The following NBEA variants were observed in gnomAD, a reference collection of about 807,000 sequenced individuals.
The protein encoded by NBEA is lysosomal-trafficking regulator 2.
Under a neutral mutation model 343.4 loss-of-function variants are expected in NBEA, and 44 were observed. That is an observed-to-expected ratio of 0.13 (90% CI 0.10 to 0.16). The LOEUF is 0.16. Among genes scored for constraint, NBEA ranks in the 10% least tolerant of loss-of-function variants. The probability of loss-of-function intolerance (pLI) is 1.00; values close to 1 mark genes in which losing one functional copy is unlikely to be tolerated. For synonymous variants in NBEA, 1,175 were observed against 1,238.7 expected (o/e 0.95, Z 1.08); for missense variants, 2,555 against 3,631.3 (o/e 0.70, Z 7.62).
intron 1 of NBEA, among the ~76,000 whole-genome samples, chr13:34,954,778 A>G (rs541611070): frequency 1.3e-5 from 2 of 152,324 alleles, no homozygotes; most frequent in Admixed American, 6.5e-5. Context: ...TGTAAATGCT[A>G]GGTAAATAGT....
intron 1 of NBEA, among the ~76,000 whole-genome samples, chr13:34,956,395 T>C (rs1242256222): frequency 6.6e-6 from 1 of 151,766 alleles, no homozygotes; most frequent in East Asian, 1.9e-4. Flanking sequence ...AGTTGTTTTT[T>C]TTTTTTTTTT....
At chr13:35,185,423 A>G (rs910675398) in intron 30 of NBEA, 2 of 152,164 alleles carry the variant, frequency 1.3e-5, no homozygotes, top group Non-Finnish European at 2.9e-5. Context: ...ATTATTTTTT[A>G]TAAATGTGCA....
intron 39 of NBEA, among the ~76,000 whole-genome samples, chr13:35,451,277 C>G (rs911467390): frequency 2.6e-5 from 4 of 152,054 alleles, no homozygotes; most frequent in African/African-American, 7.2e-5. Context: ...GCTTTTGGCT[C>G]CACGCCCGTC....
At chr13:35,306,883 T>C (rs1206895753) in intron 35 of NBEA, among the ~76,000 whole-genome samples, 1 of 152,102 alleles carries the variant, frequency 6.6e-6, no homozygotes, top group Non-Finnish European at 1.5e-5. Flanking sequence ...AGCCTAGATA[T>C]TTGATCCTCG....
At chr13:35,207,494 T>C (rs1187104178) in intron 31 of NBEA, among the ~76,000 whole-genome samples, 1 of 152,184 alleles carries the variant, frequency 6.6e-6, no homozygotes, top group African/African-American at 2.4e-5. Context: ...ATTTGCTAAA[T>C]GAAGTTTGCA....
At chr13:35,221,883 C>T (rs1272839012) in intron 33 of NBEA, among the ~76,000 whole-genome samples, 2 of 152,082 alleles carry the variant, frequency 1.3e-5, no homozygotes, top group Non-Finnish European at 2.9e-5. Flanking sequence ...CAAAACATGT[C>T]CATGGGAGAA....
intron 36 of NBEA, among the ~76,000 whole-genome samples, chr13:35,313,048 C>T (rs563763070): frequency 3.0e-4 from 46 of 152,262 alleles, no homozygotes; most frequent in African/African-American, 1.0e-3. Flanking sequence ...AGATGTGATG[C>T]TCAGAGAGAG....
At chr13:35,560,572 G>A (rs532251068) in intron 44 of NBEA, among the ~76,000 whole-genome samples, 1 of 152,156 alleles carries the variant, frequency 6.6e-6, no homozygotes, top group African/African-American at 2.4e-5. Context: ...CAACATCTGT[G>A]GGGGAGTGAA....
intron 1 of NBEA, among the ~76,000 whole-genome samples, chr13:35,038,455 A>G (rs1171154230): frequency 6.6e-6 from 1 of 152,008 alleles, no homozygotes; most frequent in Non-Finnish European, 1.5e-5. Context: ...TAGCCACCAC[A>G]GCTGGTAATG....
intron 1 of NBEA, 122 bp from the exon 2 acceptor site, chr13:35,040,810 AT>A (rs987720146): frequency 1.1e-4 from 88 of 770,826 alleles, no homozygotes; most frequent in Non-Finnish European, 1.7e-4. Context: ...ATCAAAATTA[AT>A]TTTATACCAG....
chr13:35,101,620 T>C (rs2065651705), intron 11 of NBEA, among the ~76,000 whole-genome samples: 2 of 151,868 alleles, frequency 1.3e-5, no homozygotes, highest in South Asian at 4.1e-4. Flanking sequence ...AATAGACGGA[T>C]GATTAACAAA....
intron 34 of NBEA, among the ~76,000 whole-genome samples, chr13:35,249,394 G>A (rs899744737): frequency 2.1e-4 from 32 of 152,122 alleles, no homozygotes; most frequent in African/African-American, 7.7e-4. Context: ...TATTCAGAAT[G>A]TATAAGAACT....
rs192009337 is a variant in NBEA at position 34,954,504 on chromosome 13, T to C, written c.294+11390T>C. 2.0e-5 allele frequency among the ~76,000 whole-genome samples: 3 copies of C among 152,364 alleles called. No individual in the cohort carries two copies. In the East Asian group the frequency reaches 5.8e-4, roughly 29 times the overall value. ...CGGCACAAATCTTATCTTTGCAGGC[T>C]ATTCTGATTCTTTTAATTTCTACAT... is the stretch of plus-strand genomic sequence containing the variant. On this transcript the variant is annotated intron_variant, in intron 1 of 58. Transcript: ENST00000379939.
At chr13:35,660,677 A>C (rs1210609227) in intron 55 of NBEA, among the ~76,000 whole-genome samples, 1 of 152,140 alleles carries the variant, frequency 6.6e-6, no homozygotes, top group Admixed American at 6.6e-5. Flanking sequence ...GTTGGCATCC[A>C]GGCTTCTTTT....
At chr13:35,123,342 T>C in intron 16 of NBEA, 140 bp from the exon 17 acceptor site, 1 of 464,832 alleles carries the variant, frequency 2.2e-6, no homozygotes, top group Non-Finnish European at 3.6e-6. Context: ...GTTTTTAATT[T>C]TTCCAAAGAA....
chr13:35,304,296 T>A (rs2036740598), intron 35 of NBEA, among the ~76,000 whole-genome samples: 1 of 152,068 alleles, frequency 6.6e-6, no homozygotes, highest in South Asian at 2.1e-4. Flanking sequence ...ATTGAACAAA[T>A]TCAGGAATTA....
rs189726285 is a variant in NBEA at position 34,960,672 on chromosome 13, T to G, written c.294+17558T>G. On this transcript the variant is annotated intron_variant, in intron 1 of 58. Coordinates refer to ENST00000379939, the MANE Select transcript of NBEA (RefSeq NM_001385012.1). ...ATTAATACTATTGAATTATAATTGT[T>G]TATGCAATACAGTAACATGCTGTGC... 7.9e-5 allele frequency among the ~76,000 whole-genome samples: 12 copies of G among 152,198 alleles called. No homozygotes were observed. The East Asian group carries it at 1.7e-3, about 22-fold the overall frequency.
chr13:35,271,958 C>G (rs2034195661), intron 34 of NBEA, among the ~76,000 whole-genome samples: 1 of 152,052 alleles, frequency 6.6e-6, no homozygotes, highest in Non-Finnish European at 1.5e-5. Flanking sequence ...GAGAATTTCC[C>G]CAACCTAGCA....
intron 1 of NBEA, among the ~76,000 whole-genome samples, chr13:35,020,197 T>C (rs1055987548): frequency 5.9e-5 from 9 of 152,290 alleles, no homozygotes; most frequent in East Asian, 5.8e-4. Flanking sequence ...AATTTTGATA[T>C]GTTACATTTT....
Sources: allele counts gnomAD v4.1 joint callset (sites outside exome capture counted in the v4.1 genomes callset), GRCh38; gene constraint gnomAD v4.1.1; transcripts MANE v1.5; gene names NCBI Gene and HGNC (gene_info 2026-07-23, HGNC 2026-07-21).